Variants in PLXNC1 observed in about 807,000 individuals in gnomAD.
PLXNC1 encodes the protein plexin-C1.
A neutral mutation model predicts 178.2 loss-of-function variants in PLXNC1; 75 were observed. The ratio of observed to expected loss-of-function variants is 0.42; its 90% CI spans 0.35 to 0.51. The LOEUF (loss-of-function observed/expected upper bound fraction) is 0.51, where lower values mean the gene tolerates loss of function less well. Among genes scored for constraint, PLXNC1 ranks in the 20% least tolerant of loss-of-function variants. PLXNC1 has a pLI of 0.02. For missense variants in PLXNC1, 1,503 were observed against 1,984.4 expected, an observed-to-expected ratio of 0.76 and a Z score of 4.61; for synonymous variants, 790 against 779.9, an observed-to-expected ratio of 1.01 and a Z score of -0.22.
chr12:94,243,057 G>C (rs1964433033), intron 11 of PLXNC1, among the ~76,000 whole-genome samples: 1 of 152,272 alleles, frequency 6.6e-6, no homozygotes, highest in Admixed American at 6.5e-5. Flanking sequence ...GCCATCGGGA[G>C]ATCACGCTTG....
intron 9 of PLXNC1, among the ~76,000 whole-genome samples, chr12:94,231,634 C>T (rs1047238525): frequency 1.3e-5 from 2 of 152,128 alleles, no homozygotes; most frequent in Admixed American, 6.5e-5. Context: ...AAACGTATAG[C>T]GTCATCTGCC....
intron 19 of PLXNC1, 73 bp downstream of exon 19, chr12:94,259,807 T>G: frequency 1.5e-6 from 2 of 1,363,768 alleles, no homozygotes; most frequent in East Asian, 5.3e-5. Flanking sequence ...CTCATGGCTG[T>G]AATCCCAGCA....
intron 10 of PLXNC1, among the ~76,000 whole-genome samples, chr12:94,238,109 G>C (rs1185482328): frequency 2.6e-5 from 4 of 152,162 alleles, no homozygotes; most frequent in Non-Finnish European, 5.9e-5. Flanking sequence ...AGTATATGGA[G>C]TAGCAAACAT....
chr12:94,273,236 A>AT (rs918887263), intron 21 of PLXNC1, among the ~76,000 whole-genome samples: 33 of 151,810 alleles, frequency 2.2e-4, no homozygotes, highest in Admixed American at 6.6e-4. Context: ...TCTTTACCAT[A>AT]TTTTTTTCCT....
intron 19 of PLXNC1, 43 bp downstream of exon 19, chr12:94,259,777 A>G: frequency 6.5e-7 from 1 of 1,547,944 alleles, no homozygotes. Context: ...TTTAAGAAAA[A>G]ATCAGGCCGG....
chr12:94,265,926 A>C (rs1965209050), intron 21 of PLXNC1, among the ~76,000 whole-genome samples: 1 of 152,176 alleles, frequency 6.6e-6, no homozygotes, highest in African/African-American at 2.4e-5. Context: ...AGAGGGAGCC[A>C]AGCAGGGAAG....
intron 1 of PLXNC1, among the ~76,000 whole-genome samples, chr12:94,159,824 T>A (rs1961312440): frequency 6.6e-6 from 1 of 152,016 alleles, no homozygotes; most frequent in Admixed American, 6.6e-5. Context: ...AGACAAGAAA[T>A]AATGTCACCT....
At chr12:94,250,762 T>C (rs1443485509) in intron 14 of PLXNC1, among the ~76,000 whole-genome samples, 6 of 152,176 alleles carry the variant, frequency 3.9e-5, no homozygotes, top group Admixed American at 2.6e-4. Flanking sequence ...CTCACACCTG[T>C]AATCCCAGCA....
intron 17 of PLXNC1, among the ~76,000 whole-genome samples, chr12:94,257,998 T>C (rs1383010906): frequency 1.3e-5 from 2 of 148,594 alleles, no homozygotes; most frequent in Non-Finnish European, 1.5e-5. Flanking sequence ...CACTCCAGCC[T>C]GGGCGACAGA....
intron 5 of PLXNC1, among the ~76,000 whole-genome samples, chr12:94,212,190 C>T (rs11107446): frequency 0.37 from 52,701 of 143,660 alleles, 9,529 homozygotes; most frequent in African/African-American, 0.44. Flanking sequence ...AGGAGAATGG[C>T]GTGAACCCGG....
chr12:94,177,186 T>C lies in PLXNC1; in HGVS notation c.1204-4260T>C, dbSNP rs1185190723. ...GTATATATATATATACGTATATATA[T>C]GTATATATATATACGTATATATATA... On this transcript the variant is annotated intron_variant, in intron 2 of 30. Transcript: ENST00000258526. Among the ~76,000 whole-genome samples the C allele has an allele frequency of 5.1e-3, 229 of 44,890 alleles. 2 individuals carry two copies. The highest frequency in any genetic ancestry group is 4.5e-3 in the Non-Finnish European group (115 of 25,596). The allele number at this position is 44,890 out of a possible 152,430, so 29.4% of individuals were successfully genotyped here.
chr12:94,171,356 T>G (rs1021421554), intron 2 of PLXNC1, among the ~76,000 whole-genome samples: 2 of 152,156 alleles, frequency 1.3e-5, no homozygotes, highest in Admixed American at 1.3e-4. Context: ...GGCAGCTTTT[T>G]GTTGTTTGTT....
chr12:94,213,219 G>A (rs888703004), intron 5 of PLXNC1, among the ~76,000 whole-genome samples: 4 of 152,160 alleles, frequency 2.6e-5, no homozygotes, highest in South Asian at 2.1e-4. Context: ...ATCCTTGAGG[G>A]ATTGCCACAC....
chr12:94,298,673 T>G lies in PLXNC1; in HGVS notation c.4116T>G (p.Ile1372Met), dbSNP rs1244394733. ...HSVLEKLFRS[I>M]WSLPNSRAPF... ...TGCTTGAAAAACTTTTTAGAAGCAT[T>G]TGGAGTTTACCCAACAGCAGAGCTC... Residue 1372 changes from isoleucine to methionine, a missense_variant, in exon 27 of 31, where the codon ATT (isoleucine) becomes ATG (methionine). By Grantham distance (10) the Ile-to-Met change is conservative. Coordinates refer to ENST00000258526, the MANE Select transcript of PLXNC1 (RefSeq NM_005761.3). 1 of 1,610,034 alleles carries G rather than the reference T, an allele frequency of 6.2e-7. No individual in the cohort carries two copies. The highest frequency in any genetic ancestry group is 8.5e-7 in the Non-Finnish European group (1 of 1,179,066).
intron 24 of PLXNC1, among the ~76,000 whole-genome samples, chr12:94,295,886 T>C (rs374595446): frequency 3.3e-5 from 5 of 152,212 alleles, no homozygotes; most frequent in African/African-American, 1.2e-4. Context: ...TCTCAGCAGA[T>C]GACTTCACCC....
At chr12:94,283,032 G>A (rs1197799916) in intron 23 of PLXNC1, among the ~76,000 whole-genome samples, 1 of 152,202 alleles carries the variant, frequency 6.6e-6, no homozygotes, top group African/African-American at 2.4e-5. Flanking sequence ...GGGTTCACTT[G>A]TTTAGCAGTA....
At chr12:94,213,500 G>A (rs1243510722) in intron 5 of PLXNC1, among the ~76,000 whole-genome samples, 3 of 152,168 alleles carry the variant, frequency 2.0e-5, no homozygotes, top group Non-Finnish European at 2.9e-5. Context: ...TGATGGGGTC[G>A]TTTGCTTTTT....
chr12:94,273,538 A>G (rs989485416), intron 21 of PLXNC1, among the ~76,000 whole-genome samples: 3 of 152,222 alleles, frequency 2.0e-5, no homozygotes, highest in Admixed American at 6.5e-5. Flanking sequence ...TCTCTGTTTG[A>G]AAACCCCCTG....
intron 10 of PLXNC1, 69 bp downstream of exon 10, chr12:94,237,872 TG>T (rs906547661): frequency 5.3e-6 from 8 of 1,521,432 alleles, no homozygotes; most frequent in Non-Finnish European, 7.2e-6. Context: ...GGAATATCAG[TG>T]TGATTATAAC....
Sources: gnomAD v4.1 joint callset for allele counts (sites outside exome capture counted in the v4.1 genomes callset) on GRCh38, gnomAD v4.1.1 for gene constraint, MANE v1.5 for transcripts, NCBI Gene and HGNC (gene_info 2026-07-23, HGNC 2026-07-21) for gene names.